Variants in STT3A observed in about 807,000 individuals in gnomAD.
The protein encoded by STT3A is dolichyl-diphosphooligosaccharide--protein glycosyltransferase subunit STT3A.
In STT3A, 34 loss-of-function variants were observed where a neutral mutation model predicts 89.2. The ratio of observed to expected loss-of-function variants is 0.38; its 90% CI spans 0.29 to 0.51. STT3A has a LOEUF of 0.51. Among genes scored for constraint, STT3A ranks in the 20% least tolerant of loss-of-function variants. The probability of loss-of-function intolerance (pLI) is 0.89; values close to 1 mark genes in which losing one functional copy is unlikely to be tolerated. For synonymous variants in STT3A, 282 were observed against 310.3 expected, an observed-to-expected ratio of 0.91 and a Z score of 0.96; for missense variants, 555 against 889.5, an observed-to-expected ratio of 0.62 and a Z score of 4.78.
chr11:125,611,229 T>A (rs1273663425), intron 10 of STT3A, 199 bp from the exon 11 acceptor site: 2 of 446,318 alleles, frequency 4.5e-6, no homozygotes, highest in African/African-American at 4.0e-5. Flanking sequence ...GGGTTGTTTC[T>A]GATTTTTTTG....
intron 3 of STT3A, among the ~76,000 whole-genome samples, chr11:125,599,239 C>T (rs925580615): frequency 5.9e-5 from 9 of 152,186 alleles, no homozygotes; most frequent in African/African-American, 2.2e-4. Context: ...ACATCAGTGA[C>T]AAACAGAAGG....
chr11:125,602,537 A>T (rs914821719), intron 4 of STT3A, 113 bp downstream of exon 4: 1 of 1,278,054 alleles, frequency 7.8e-7, no homozygotes, highest in African/African-American at 1.5e-5. Context: ...TTGTAATTTC[A>T]TCCTGATTAC....
At position 125,603,148 on chromosome 11, in the gene STT3A, T is replaced by C. The variant is rs1032243936; in HGVS notation, c.417+200T>C. ...TTTATCATTAGCAACTGTTTGTCCT[T>C]ATGAGAGTACAGTTGAAAGTGAAAT... On this transcript the variant is annotated intron_variant, in intron 5 of 17. Coordinates refer to ENST00000392708, the MANE Select transcript of STT3A (RefSeq NM_152713.5). Among the ~76,000 whole-genome samples, 6 of 152,244 alleles carry C rather than the reference T, an allele frequency of 3.9e-5. No homozygotes were observed. In the South Asian group the frequency reaches 1.2e-3, roughly 32 times the overall value.
At position 125,605,712 on chromosome 11, in the gene STT3A, T is replaced by G. The variant is rs755425098; in HGVS notation, c.592T>G (p.Cys198Gly). The G allele has an allele frequency of 3.1e-6, 5 of 1,613,928 alleles. No homozygotes were observed. Among genetic ancestry groups the G allele is most frequent in the Non-Finnish European group, 4.2e-6 (5 of 1,179,848 alleles). ...TGGTTCCATCTGTTGGGCAGCTAAG[T>G]GTGCCCTTGCTTATTTCTACATGGT... ...KTGSICWAAK[C>G]ALAYFYMVSS... is the part of the protein sequence containing the mutation. The change falls in exon 7 of 18, where the codon TGT (cysteine) becomes GGT (glycine). Residue 198 changes from cysteine to glycine, a missense_variant. Physicochemically the swap from Cys to Gly is radical, Grantham distance 159. Coordinates refer to ENST00000392708, the MANE Select transcript of STT3A (RefSeq NM_152713.5).
In STT3A at chr11:125,620,975, G is replaced by T; in HGVS notation, c.*165G>T. On this transcript the variant is annotated 3_prime_UTR_variant, in exon 18 of 18. Coordinates refer to ENST00000392708, the MANE Select transcript of STT3A (RefSeq NM_152713.5). ...TTGGGCAGTATGGGCTGGGCCAAAT[G>T]AAATGATTTTTATAATTCTAAACAG... 4.0e-6 allele frequency: 2 copies of T among 495,480 alleles called. No homozygotes were observed. Among genetic ancestry groups the T allele is most frequent in the Non-Finnish European group, 7.0e-6 (2 of 285,678 alleles). 30.7% of individuals were successfully genotyped at this position (495,480 alleles called of 1,614,324 possible). A position where few individuals can be genotyped will look rare whatever the true frequency, so the allele number is the denominator to read the frequency against.
In STT3A at chr11:125,608,273, T is replaced by G. The variant is rs781010725; in HGVS notation, c.945T>G (p.Ala315=). Residue 315 remains alanine, a synonymous_variant, in exon 9 of 18, where the codon GCT becomes GCG. Coordinates refer to ENST00000392708, the MANE Select transcript of STT3A (RefSeq NM_152713.5). ...GCTTTGTCCTTCTCACCGTGGGAGC[T>G]CTCCTCATGCTGACAGGTAGGGAAG... ...LVGFVLLTVG[A]LLMLTGKISP... The G allele has an allele frequency of 3.1e-6, 5 of 1,609,828 alleles. No homozygotes were observed. Among genetic ancestry groups the G allele is most frequent in the Non-Finnish European group, 4.2e-6 (5 of 1,178,792 alleles).
intron 1 of STT3A, among the ~76,000 whole-genome samples, chr11:125,595,646 G>C (rs1432282892): frequency 6.6e-6 from 1 of 152,086 alleles, no homozygotes; most frequent in Non-Finnish European, 1.5e-5. Flanking sequence ...ATAGAATTAT[G>C]GATGGTTTAT....
At chr11:125,592,636 C>A (rs1031312575), upstream of STT3A, 6 of 386,606 alleles carry the variant, frequency 1.6e-5, no homozygotes, top group African/African-American at 4.2e-5. Flanking sequence ...TTGACTCCTA[C>A]GCGCCGGCCT....
intron 8 of STT3A, among the ~76,000 whole-genome samples, chr11:125,606,755 T>A (rs1939852600): frequency 6.6e-6 from 1 of 152,146 alleles, no homozygotes; most frequent in Non-Finnish European, 1.5e-5. Context: ...TGATCAGAGT[T>A]AAAATTTCCA....
intron 4 of STT3A, 85 bp downstream of exon 4, chr11:125,602,509 A>G (rs989475072): frequency 7.1e-7 from 1 of 1,398,780 alleles, no homozygotes; most frequent in Non-Finnish European, 9.5e-7. Context: ...TATTTCTAAT[A>G]GCTTTGTCTT....
rs10082634 is a variant in STT3A at position 125,596,115 on chromosome 11, T to G, written c.88+112T>G. 56,129 of 837,196 alleles carry G rather than the reference T, an allele frequency of 0.067. 2,700 individuals carry two copies. The highest frequency in any genetic ancestry group is 0.22 in the African/African-American group (12,425 of 57,592). 51.9% of individuals were successfully genotyped at this position (837,196 alleles called of 1,614,324 possible). A position where few individuals can be genotyped will look rare whatever the true frequency, so the allele number is the denominator to read the frequency against. ...TTGTTCTTTTTAGCAGATTGTTACA[T>G]TTTTCCATTCCTCATTAGTATAATT... On this transcript the variant is annotated intron_variant, in intron 2 of 17. Transcript: ENST00000392708.
chr11:125,598,282 CA>C (rs2135907249), intron 3 of STT3A, among the ~76,000 whole-genome samples: 1 of 151,980 alleles, frequency 6.6e-6, no homozygotes, highest in African/African-American at 2.4e-5. Context: ...GTTGATTATT[CA>C]GTACGTGGAG....
intron 10 of STT3A, chr11:125,609,900 C>T (rs569304979): frequency 7.3e-5 from 20 of 274,202 alleles, no homozygotes; most frequent in African/African-American, 3.8e-4. Context: ...GTACTCCTTC[C>T]CCTTTACCCT....
At chr11:125,596,159 AG>A (rs2135901960) in intron 2 of STT3A, among the ~76,000 whole-genome samples, 156 bp downstream of exon 2, 1 of 152,346 alleles carries the variant, frequency 6.6e-6, no homozygotes, top group South Asian at 2.1e-4. Context: ...GCAAAATAAA[AG>A]GAATATAAAA....
upstream of STT3A, chr11:125,592,343 G>GT: frequency 4.4e-6 from 2 of 454,992 alleles, no homozygotes; most frequent in South Asian, 3.1e-5. Flanking sequence ...CCGCGTTTGA[G>GT]TTTTAATTGA....
chr11:125,608,322 C>CT (rs770583925), intron 9 of STT3A, 33 bp downstream of exon 9: 251 of 1,492,958 alleles, frequency 1.7e-4, no homozygotes, highest in Middle Eastern at 4.0e-4. Flanking sequence ...TTCCTTTTTT[C>CT]TTTTTTTTTA....
At chr11:125,608,577 C>T (rs1329762136) in intron 9 of STT3A, among the ~76,000 whole-genome samples, 2 of 152,226 alleles carry the variant, frequency 1.3e-5, no homozygotes, top group African/African-American at 2.4e-5. Context: ...CCGCCCGCCT[C>T]GGCCTCCCAA....
At chr11:125,599,314 G>A (rs1939601448) in intron 3 of STT3A, among the ~76,000 whole-genome samples, 1 of 152,212 alleles carries the variant, frequency 6.6e-6, no homozygotes, top group African/African-American at 2.4e-5. Context: ...TGACCAAGGA[G>A]GAAATAGGGT....
chr11:125,597,145 T>C, intron 3 of STT3A, 26 bp downstream of exon 3: 2 of 1,613,452 alleles, frequency 1.2e-6, no homozygotes, highest in Non-Finnish European at 1.7e-6. Flanking sequence ...TGATCTGGTA[T>C]TATTTCCTTT....
Sources: allele counts gnomAD v4.1 joint callset (sites outside exome capture counted in the v4.1 genomes callset), GRCh38; gene constraint gnomAD v4.1.1; transcripts MANE v1.5; gene names NCBI Gene and HGNC (gene_info 2026-07-23, HGNC 2026-07-21).